RBMS3: variants seen among roughly 807,000 people sequenced by gnomAD.
The protein encoded by RBMS3 is RNA-binding motif, single-stranded-interacting protein 3.
RBMS3 carries 27 observed loss-of-function variants against 66.8 expected under a neutral mutation model. That is an observed-to-expected ratio of 0.40 (90% CI 0.30 to 0.56). The LOEUF (loss-of-function observed/expected upper bound fraction) is 0.56, where lower values mean the gene tolerates loss of function less well. Ranked by LOEUF, RBMS3 falls within the 20% of genes least tolerant of loss-of-function variation. The probability of loss-of-function intolerance (pLI) is 0.40; values close to 1 mark genes in which losing one functional copy is unlikely to be tolerated. For synonymous variants in RBMS3, 188 were observed against 183.0 expected (o/e 1.03, Z -0.22); for missense variants, 513 against 549.5 (o/e 0.93, Z 0.66).
In RBMS3 at chr3:29,731,169, A is replaced by G. The variant is rs568258703; in HGVS notation, c.400-8551A>G. On this transcript the variant is annotated intron_variant, in intron 4 of 14. Coordinates refer to ENST00000383767, the MANE Select transcript of RBMS3 (RefSeq NM_001003793.3). ...GTTCAACACTGGGCATTGTTTCACA[A>G]TCAGGTCCCTGCTGAGTTTGTTCTC... 2.3e-4 allele frequency among the ~76,000 whole-genome samples: 35 copies of G among 152,330 alleles called. No individual in the cohort carries two copies. In the South Asian group the frequency reaches 3.5e-3, roughly 15 times the overall value.
intron 6 of RBMS3, among the ~76,000 whole-genome samples, chr3:29,774,957 T>C (rs1031422440): frequency 6.6e-6 from 1 of 151,918 alleles, no homozygotes; most frequent in South Asian, 2.1e-4. Flanking sequence ...TCAATAAATA[T>C]AACGTGTCTA....
chr3:29,383,646 C>T (rs1388998143), intron 1 of RBMS3, among the ~76,000 whole-genome samples: 1 of 152,116 alleles, frequency 6.6e-6, no homozygotes, highest in Non-Finnish European at 1.5e-5. Flanking sequence ...CTTATGAACT[C>T]TTTTAGGTCA....
At chr3:29,460,484 A>T (rs2042336559) in intron 2 of RBMS3, among the ~76,000 whole-genome samples, 1 of 152,186 alleles carries the variant, frequency 6.6e-6, no homozygotes, top group Non-Finnish European at 1.5e-5. Flanking sequence ...ATAAAATGCC[A>T]CTGATGTATC....
At chr3:29,825,154 G>A (rs1286812594) in intron 6 of RBMS3, among the ~76,000 whole-genome samples, 1 of 151,318 alleles carries the variant, frequency 6.6e-6, no homozygotes, top group Non-Finnish European at 1.5e-5. Flanking sequence ...TCCTGCCTCA[G>A]CCTCCCAAGT....
intron 6 of RBMS3, among the ~76,000 whole-genome samples, chr3:29,862,747 G>A (rs958332462): frequency 6.6e-6 from 1 of 151,826 alleles, no homozygotes; most frequent in South Asian, 2.1e-4. Context: ...AGGAGGATGA[G>A]GCAGGAGAAT....
In RBMS3 at chr3:29,654,293, C is replaced by T. The variant is rs1284756607; in HGVS notation, c.399+67088C>T. Among the ~76,000 whole-genome samples, 4 of 152,136 alleles carry T rather than the reference C, an allele frequency of 2.6e-5. No homozygotes were observed. The East Asian group carries it at 7.7e-4, about 29-fold the overall frequency. On this transcript the variant is annotated intron_variant, in intron 4 of 14. Coordinates refer to ENST00000383767, the MANE Select transcript of RBMS3 (RefSeq NM_001003793.3). ...TGATGAAAGAATCTAGATTTCTTAA[C>T]TCCTTATTAATACGTACTTTAAGTA...
At chr3:29,849,148 C>T (rs1294189554) in intron 6 of RBMS3, among the ~76,000 whole-genome samples, 1 of 150,606 alleles carries the variant, frequency 6.6e-6, no homozygotes, top group Non-Finnish European at 1.5e-5. Flanking sequence ...AAATACACCA[C>T]TCCTCCCCCT....
intron 4 of RBMS3, among the ~76,000 whole-genome samples, chr3:29,611,996 C>A (rs553254483): frequency 6.6e-6 from 1 of 151,872 alleles, no homozygotes; most frequent in East Asian, 1.9e-4. Flanking sequence ...TCTCACCCAC[C>A]GGCTGTGTGA....
chr3:29,395,522 T>G (rs1446103660), intron 1 of RBMS3, among the ~76,000 whole-genome samples: 4 of 152,074 alleles, frequency 2.6e-5, no homozygotes, highest in Non-Finnish European at 5.9e-5. Flanking sequence ...TGCTGGAGAG[T>G]GCTATGATGC....
chr3:29,997,697 A>G lies in RBMS3; in HGVS notation c.1308-6159A>G, dbSNP rs924882225. Among the ~76,000 whole-genome samples, 44 of 151,926 alleles carry G rather than the reference A, an allele frequency of 2.9e-4. 1 individual carries two copies. In the South Asian group the frequency reaches 4.8e-3, roughly 17 times the overall value. ...TGATTATCTCAATAGATGCAGAAAA[A>G]GCCTTTGACAAAATTCAACAACCCT... On this transcript the variant is annotated intron_variant, in intron 14 of 14. Coordinates refer to ENST00000383767, the MANE Select transcript of RBMS3 (RefSeq NM_001003793.3).
chr3:29,384,425 A>G (rs940121649), intron 1 of RBMS3, among the ~76,000 whole-genome samples: 1 of 122,440 alleles, frequency 8.2e-6, no homozygotes, highest in Non-Finnish European at 1.8e-5. Context: ...ACCAATAATA[A>G]TAATAATAAT....
At chr3:29,362,043 C>T (rs560775359) in intron 1 of RBMS3, among the ~76,000 whole-genome samples, 6 of 152,332 alleles carry the variant, frequency 3.9e-5, no homozygotes, top group Admixed American at 3.3e-4. Flanking sequence ...CTTCTTCTCT[C>T]AACTTGTCAA....
At chr3:29,575,582 A>G (rs549634047) in intron 3 of RBMS3, among the ~76,000 whole-genome samples, 106 of 152,234 alleles carry the variant, frequency 7.0e-4, no homozygotes, top group African/African-American at 2.5e-3. Flanking sequence ...CCCTTTGCAT[A>G]AACTTTCTAC....
At chr3:29,808,980 C>T (rs2057643415) in intron 6 of RBMS3, among the ~76,000 whole-genome samples, 1 of 151,732 alleles carries the variant, frequency 6.6e-6, no homozygotes, top group Non-Finnish European at 1.5e-5. Context: ...AACATTGATC[C>T]AAAATGTAAT....
At chr3:29,649,117 A>G (rs2050051733) in intron 4 of RBMS3, among the ~76,000 whole-genome samples, 1 of 152,088 alleles carries the variant, frequency 6.6e-6, no homozygotes, top group Admixed American at 6.5e-5. Flanking sequence ...CCTTCATTCC[A>G]TTTTTATAAG....
intron 4 of RBMS3, among the ~76,000 whole-genome samples, chr3:29,604,221 A>G (rs903504177): frequency 1.3e-5 from 2 of 151,978 alleles, no homozygotes; most frequent in Non-Finnish European, 2.9e-5. Flanking sequence ...TATTTTTTAC[A>G]TATTGTAACT....
At chr3:29,575,949 T>C (rs576262604) in intron 3 of RBMS3, among the ~76,000 whole-genome samples, 1 of 152,290 alleles carries the variant, frequency 6.6e-6, no homozygotes, top group Non-Finnish European at 1.5e-5. Flanking sequence ...AACAGCTATT[T>C]TGAATACTCT....
intron 4 of RBMS3, among the ~76,000 whole-genome samples, chr3:29,593,667 C>G (rs1221076526): frequency 6.6e-6 from 1 of 151,802 alleles, no homozygotes; most frequent in African/African-American, 2.4e-5. Flanking sequence ...TGTTTGTATC[C>G]CATTTTTCCC....
chr3:29,471,211 C>A (rs1329958639), intron 2 of RBMS3, among the ~76,000 whole-genome samples: 3 of 152,158 alleles, frequency 2.0e-5, no homozygotes, highest in Non-Finnish European at 4.4e-5. Context: ...TGTTTTTCTG[C>A]ATTTTCCAAC....
Sources: allele counts gnomAD v4.1 joint callset (sites outside exome capture counted in the v4.1 genomes callset), GRCh38; gene constraint gnomAD v4.1.1; transcripts MANE v1.5; gene names NCBI Gene and HGNC (gene_info 2026-07-23, HGNC 2026-07-21).